The following TASOR variants were observed in gnomAD, a reference collection of about 807,000 sequenced individuals.
TASOR encodes transcription activation suppressor.
Under a neutral mutation model 178.6 loss-of-function variants are expected in TASOR, and 53 were observed. The observed-to-expected ratio is 0.30, with a 90% CI of 0.24 to 0.37. The LOEUF (loss-of-function observed/expected upper bound fraction) is 0.37. Among genes scored for constraint, TASOR ranks in the 10% least tolerant of loss-of-function variants. The probability of loss-of-function intolerance (pLI) is 1.00; values close to 1 mark genes in which losing one functional copy is unlikely to be tolerated. For synonymous variants in TASOR, 713 were observed against 696.2 expected (o/e 1.02, Z -0.38); for missense variants, 1,815 against 1,971.4 (o/e 0.92, Z 1.50).
At chr3:56,638,227 T>C (rs2077054959) in intron 17 of TASOR, among the ~76,000 whole-genome samples, 1 of 151,976 alleles carries the variant, frequency 6.6e-6, no homozygotes, top group Admixed American at 6.6e-5. Context: ...AAGCTGGGCA[T>C]GGTGGCATGC....
At chr3:56,645,167 G>A (rs2077210145) in intron 14 of TASOR, among the ~76,000 whole-genome samples, 1 of 152,170 alleles carries the variant, frequency 6.6e-6, no homozygotes, top group Non-Finnish European at 1.5e-5. Context: ...CCAGCTACTG[G>A]GGAGACTCAG....
Position 56,633,812 on chromosome 3 carries a change from C to T in TASOR, c.2979G>A (p.Val993=). 1 of 1,614,186 alleles carries T rather than the reference C, an allele frequency of 6.2e-7. No individual in the cohort carries two copies. Among genetic ancestry groups the T allele is most frequent in the Non-Finnish European group, 8.5e-7 (1 of 1,180,042 alleles). Residue 993 remains valine, a synonymous_variant, in exon 18 of 24, where the codon GTG becomes GTA. Transcript: ENST00000683822. ...ACTGCTCCTCCACCTGACCTGTCAA[C>T]ACGTCATCCTCAGTGGTGCCCTTTA... is the stretch of plus-strand genomic sequence containing the variant. The part of the protein sequence containing the change: ...DTLKGTTEDD[V]LTGQVEEQCV...
At chr3:56,671,777 C>T (rs1302592909) in intron 2 of TASOR, 85 bp from the exon 3 acceptor site, 6 of 988,056 alleles carry the variant, frequency 6.1e-6, no homozygotes, top group Non-Finnish European at 9.0e-6. Flanking sequence ...TCCAAGAAAT[C>T]TCACACCTAC....
intron 2 of TASOR, 23 bp from the exon 3 acceptor site, chr3:56,671,715 C>T: frequency 2.7e-6 from 4 of 1,482,844 alleles, no homozygotes; most frequent in Non-Finnish European, 3.7e-6. Context: ...AAAACTATAA[C>T]AACTACTTAG....
intron 9 of TASOR, among the ~76,000 whole-genome samples, chr3:56,661,335 T>C (rs1282770111): frequency 1.3e-5 from 2 of 152,096 alleles, no homozygotes; most frequent in Admixed American, 6.6e-5. Flanking sequence ...TTGGGTCTTT[T>C]TGTAGAGACA....
Position 56,640,034 on chromosome 3 carries a change from T to C in TASOR, c.2716A>G (p.Asn906Asp). ...TGTATTTCAGTCTCTTCAACATTATTTGACTTAGACTGTTGTCTACGAAAT... is the reference window on the plus strand; with the variant it reads ...TGTATTTCAGTCTCTTCAACATTATCTGACTTAGACTGTTGTCTACGAAAT... Reference protein sequence around the residue: ...HGFRRQQSKSNNVEETEIHWK... With the variant: ...HGFRRQQSKSDNVEETEIHWK... Residue 906 changes from asparagine (N) to aspartate (D), a missense_variant, in exon 16 of 24, where the codon AAT (asparagine) becomes GAT (aspartate). This residue lies in a region of TASOR where 655 missense variants were observed against 671.1 expected (regional missense o/e 0.98). Transcript: ENST00000683822. 2.5e-6 allele frequency: 4 copies of C among 1,612,804 alleles called. No homozygotes were observed. The South Asian group carries it at 4.4e-5, about 18-fold the overall frequency.
intron 18 of TASOR, among the ~76,000 whole-genome samples, chr3:56,630,035 G>A (rs146233905): frequency 1.7e-3 from 262 of 150,236 alleles, no homozygotes; most frequent in African/African-American, 6.0e-3. Flanking sequence ...GCGCTATCTC[G>A]GCTCACTGCA....
At position 56,637,736 on chromosome 3, in the gene TASOR, AC is replaced by A. The variant is rs1162097370; in HGVS notation, c.2824+969del. On this transcript the variant is annotated intron_variant, in intron 17 of 23. Transcript: ENST00000683822. ...TTTCACATTTCTTACAAATAAAAAA[AC>A]AACACTTTAATTTCTGAAAAGAGTC... Among the ~76,000 whole-genome samples, 12 of 152,276 alleles carry A rather than the reference AC, an allele frequency of 7.9e-5. 1 individual carries two copies. Among genetic ancestry groups the A allele is most frequent in the African/African-American group, 1.2e-4 (5 of 41,564 alleles).
rs1343413463 is a variant in TASOR, at chr3:56,622,777, G to T, written c.*260C>A. ...GCATCTGATTTTACACATAAAACAG[G>T]CTTCAATTTGAAGCCTAAGTACAGG... On this transcript the variant is annotated 3_prime_UTR_variant, in exon 24 of 24. Coordinates refer to ENST00000683822, the MANE Select transcript of TASOR (RefSeq NM_001365635.2). 2.0e-5 allele frequency: 5 copies of T among 246,260 alleles called. No homozygotes were observed. Among genetic ancestry groups the T allele is most frequent in the Middle Eastern group, 2.7e-3 (2 of 746 alleles). 15.3% of individuals were successfully genotyped at this position (246,260 alleles called of 1,614,324 possible).
Position 56,683,058 on chromosome 3 carries a change from G to A in TASOR, c.-52C>T, listed in dbSNP as rs1457048650. The stretch of plus-strand genomic sequence containing the variant: ...GCTTCTGCCCACAAGGTCGACGGGT[G>A]TGGGGGGAAGGGGCGGCGGGCCAGT... On this transcript the variant is annotated 5_prime_UTR_variant, in exon 1 of 24. Coordinates refer to ENST00000683822, the MANE Select transcript of TASOR (RefSeq NM_001365635.2). The A allele has an allele frequency of 1.1e-5, 16 of 1,446,096 alleles. No homozygotes were observed. In the South Asian group the frequency reaches 2.3e-4, roughly 21 times the overall value. 89.6% of individuals were successfully genotyped at this position (1,446,096 alleles called of 1,614,324 possible). A position where few individuals can be genotyped will look rare whatever the true frequency, so the allele number is the denominator to read the frequency against.
chr3:56,675,534 G>C (rs1383739776), intron 1 of TASOR, among the ~76,000 whole-genome samples: 1 of 151,140 alleles, frequency 6.6e-6, no homozygotes. Flanking sequence ...GAGAATTACT[G>C]GTCTAGTAAC....
chr3:56,630,026 C>T (rs1165094176), intron 18 of TASOR, among the ~76,000 whole-genome samples: 7 of 150,122 alleles, frequency 4.7e-5, no homozygotes, highest in East Asian at 2.0e-4. Flanking sequence ...AGTGCAGTGG[C>T]GCTATCTCGG....
At chr3:56,637,270 C>A (rs1299203066) in intron 17 of TASOR, among the ~76,000 whole-genome samples, 12 of 152,124 alleles carry the variant, frequency 7.9e-5, no homozygotes, top group East Asian at 3.9e-4. Context: ...AAAAGCTGTA[C>A]AATAAAGATC....
At chr3:56,662,162 C>T (rs1317486894) in intron 9 of TASOR, among the ~76,000 whole-genome samples, 4 of 151,580 alleles carry the variant, frequency 2.6e-5, no homozygotes, top group East Asian at 1.9e-4. Flanking sequence ...AGTTTTATAC[C>T]GTAAATGTAC....
chr3:56,658,899 G>A (rs1415691350), intron 11 of TASOR, among the ~76,000 whole-genome samples: 3 of 148,930 alleles, frequency 2.0e-5, no homozygotes, highest in African/African-American at 7.5e-5. Context: ...GGGCGAGAGA[G>A]TCTGTCTCAA....
intron 17 of TASOR, among the ~76,000 whole-genome samples, chr3:56,636,424 G>A (rs1418676439): frequency 6.6e-6 from 1 of 151,808 alleles, no homozygotes; most frequent in Non-Finnish European, 1.5e-5. Context: ...TGTTGTTGTT[G>A]AGACAGAGAC....
At chr3:56,663,688 C>A (rs1208553289) in intron 7 of TASOR, 116 bp from the exon 8 acceptor site, 2 of 1,096,586 alleles carry the variant, frequency 1.8e-6, no homozygotes, top group African/African-American at 3.3e-5. Context: ...AGTCCTTCCT[C>A]CAGGTAGGAA....
At chr3:56,671,166 C>A (rs2030689074) in intron 3 of TASOR, among the ~76,000 whole-genome samples, 1 of 151,832 alleles carries the variant, frequency 6.6e-6, no homozygotes, top group Middle Eastern at 3.4e-3. Flanking sequence ...TGGTGATACC[C>A]CGTCTCTACT....
chr3:56,679,078 GTAAC>G (rs2031574379), intron 1 of TASOR, among the ~76,000 whole-genome samples: 1 of 150,838 alleles, frequency 6.6e-6, no homozygotes, highest in Non-Finnish European at 1.5e-5. Context: ...CTGATTTAAA[GTAAC>G]TAATACATAG....
Sources: gnomAD v4.1 joint callset for allele counts (sites outside exome capture counted in the v4.1 genomes callset) on GRCh38, gnomAD v4.1.1 for gene constraint, gnomAD v4.1.1 regional missense constraint, MANE v1.5 for transcripts, NCBI Gene and HGNC (gene_info 2026-07-23, HGNC 2026-07-21) for gene names.